The following ZNF679 variants were observed in gnomAD, a reference collection of about 807,000 sequenced individuals.
ZNF679 encodes hypothetical protein MGC42415.
A neutral mutation model predicts 13.4 loss-of-function variants in ZNF679; 10 were observed. That is an observed-to-expected ratio of 0.75 (90% CI 0.46 to 1.27). The LOEUF is 1.27. Among genes scored for constraint, ZNF679 ranks in the 50% most tolerant of loss-of-function variants. The pLI is 0.00. For synonymous variants in ZNF679, 179 were observed against 162.5 expected, an observed-to-expected ratio of 1.10 and a Z score of -0.77; for missense variants, 525 against 477.8, an observed-to-expected ratio of 1.10 and a Z score of -0.92.
At chr7:64,244,274 T>C (rs1244448506) in intron 1 of ZNF679, among the ~76,000 whole-genome samples, 1 of 152,054 alleles carries the variant, frequency 6.6e-6, no homozygotes, top group Non-Finnish European at 1.5e-5. Flanking sequence ...GTAATAATAA[T>C]TAAGCTGACT....
intron 1 of ZNF679, among the ~76,000 whole-genome samples, chr7:64,235,995 G>A (rs1201102463): frequency 1.3e-5 from 2 of 152,132 alleles, no homozygotes; most frequent in South Asian, 2.1e-4. Flanking sequence ...GGCCGGGCGT[G>A]GTGCCTCACG....
intron 1 of ZNF679, among the ~76,000 whole-genome samples, chr7:64,234,441 C>A (rs894830276): frequency 1.3e-5 from 2 of 152,070 alleles, no homozygotes; most frequent in Non-Finnish European, 2.9e-5. Flanking sequence ...ATGGAGGGAG[C>A]AAATTGAGTA....
intron 2 of ZNF679, among the ~76,000 whole-genome samples, chr7:64,250,936 A>G (rs1225052918): frequency 1.3e-5 from 2 of 152,192 alleles, no homozygotes; most frequent in Admixed American, 1.3e-4. Context: ...GTTCCCACAG[A>G]CTAACTGCCT....
chr7:64,228,772 C>G (rs1233222283), intron 1 of ZNF679, 120 bp downstream of exon 1: 1 of 152,246 alleles, frequency 6.6e-6, no homozygotes, highest in African/African-American at 2.4e-5. Flanking sequence ...CACCAGGGTG[C>G]TGAATCTTGG....
At chr7:64,264,323 G>A (rs1323739218) in intron 4 of ZNF679, among the ~76,000 whole-genome samples, 1 of 151,842 alleles carries the variant, frequency 6.6e-6, no homozygotes, top group Non-Finnish European at 1.5e-5. Context: ...TCTTATTGAT[G>A]TTGATAATTA....
At chr7:64,239,343 G>T (rs1358269159) in intron 1 of ZNF679, among the ~76,000 whole-genome samples, 1 of 152,204 alleles carries the variant, frequency 6.6e-6, no homozygotes, top group Non-Finnish European at 1.5e-5. Flanking sequence ...TATTGAGATT[G>T]TGACTCATGT....
rs745801967 is a variant in ZNF679 at position 64,260,319 on chromosome 7, A to C, written c.138A>C (p.Leu46Phe). 6.2e-7 allele frequency: 1 copy of C among 1,611,650 alleles called. No homozygotes were observed. The highest frequency in any genetic ancestry group is 8.5e-7 in the Non-Finnish European group (1 of 1,179,288). ...AGAATTTATATAGAGATGTGATGTT[A>C]GAGAACTACAGAAACCTGGTCTCCC... ...AQQNLYRDVM[L>F]ENYRNLVSLG... is the part of the protein sequence containing the mutation. The change falls in exon 3 of 5, where the codon TTA becomes TTC. Residue 46 changes from leucine (L) to phenylalanine (F), a missense_variant. Leu to Phe is a conservative substitution (Grantham distance 22). Transcript: ENST00000421025.
chr7:64,256,632 C>T (rs1398819661), intron 2 of ZNF679, among the ~76,000 whole-genome samples: 1 of 150,964 alleles, frequency 6.6e-6, no homozygotes, highest in Admixed American at 6.6e-5. Flanking sequence ...CTTTTTTCTT[C>T]ATTAATCTAG....
intron 1 of ZNF679, among the ~76,000 whole-genome samples, chr7:64,232,110 G>A (rs541371062): frequency 6.6e-6 from 1 of 152,318 alleles, no homozygotes; most frequent in East Asian, 1.9e-4. Flanking sequence ...CTTGAACCTG[G>A]GAGGTGGAGG....
At position 64,251,456 on chromosome 7, in the gene ZNF679, A is replaced by AAAAGGG. The variant is rs1170937181; in HGVS notation, c.39+2303_39+2304insGGGAAA. ...ACAACAGAGTGAGACCATATCTCAA[A>AAAAGGG]AAAAAAGAAAAGAAGAGAAAAGGCA... On this transcript the variant is annotated intron_variant, in intron 2 of 4. Transcript: ENST00000421025. 3.3e-5 allele frequency among the ~76,000 whole-genome samples: 5 copies of AAAAGGG among 152,326 alleles called. No individual in the cohort carries two copies. In the East Asian group the frequency reaches 9.6e-4, roughly 29 times the overall value.
chr7:64,233,621 G>A (rs901038637), intron 1 of ZNF679, among the ~76,000 whole-genome samples: 5 of 152,096 alleles, frequency 3.3e-5, no homozygotes, highest in Non-Finnish European at 5.9e-5. Context: ...CCCCAACCTC[G>A]GTGTTCCTGT....
chr7:64,230,616 G>T (rs1787625635), intron 1 of ZNF679, among the ~76,000 whole-genome samples: 1 of 151,624 alleles, frequency 6.6e-6, no homozygotes, highest in Non-Finnish European at 1.5e-5. Context: ...CCAAATATAT[G>T]TCACTGTCTC....
chr7:64,242,204 G>A (rs1280723330), intron 1 of ZNF679, among the ~76,000 whole-genome samples: 1 of 152,184 alleles, frequency 6.6e-6, no homozygotes, highest in African/African-American at 2.4e-5. Flanking sequence ...CTGCCTCTGA[G>A]TGTGAGATTC....
At chr7:64,250,598 C>CT (rs869219548) in intron 2 of ZNF679, among the ~76,000 whole-genome samples, 6 of 150,046 alleles carry the variant, frequency 4.0e-5, no homozygotes, top group African/African-American at 7.3e-5. Flanking sequence ...CTTTTTTTTT[C>CT]TTTTTTTTGA....
At chr7:64,236,917 AG>A (rs1156720973) in intron 1 of ZNF679, among the ~76,000 whole-genome samples, 102 of 128,338 alleles carry the variant, frequency 7.9e-4, no homozygotes, top group African/African-American at 2.7e-3. Flanking sequence ...AAAGAAAGAA[AG>A]AAAGAAGAAA....
At chr7:64,259,436 G>T (rs994517356) in intron 2 of ZNF679, among the ~76,000 whole-genome samples, 1 of 152,176 alleles carries the variant, frequency 6.6e-6, no homozygotes, top group African/African-American at 2.4e-5. Context: ...TGCTCTATTA[G>T]TTCCATGCAG....
At chr7:64,261,210 T>C (rs1186774159) in intron 4 of ZNF679, among the ~76,000 whole-genome samples, 1 of 152,166 alleles carries the variant, frequency 6.6e-6, no homozygotes, top group Non-Finnish European at 1.5e-5. Context: ...TGCTTTACCA[T>C]TGTTTTGGGG....
At chr7:64,231,632 A>G (rs994774782) in intron 1 of ZNF679, among the ~76,000 whole-genome samples, 149 of 152,266 alleles carry the variant, frequency 9.8e-4, no homozygotes, top group African/African-American at 3.4e-3. Context: ...TAGGTGATGA[A>G]CCCAGAGATC....
chr7:64,236,447 T>TG (rs200757024), intron 1 of ZNF679, among the ~76,000 whole-genome samples: 175 of 149,628 alleles, frequency 1.2e-3, no homozygotes, highest in African/African-American at 3.8e-3. Context: ...AGAGCGTTTG[T>TG]GGGGGGAAAA....
Sources: allele counts gnomAD v4.1 joint callset (sites outside exome capture counted in the v4.1 genomes callset), GRCh38; gene constraint gnomAD v4.1.1; transcripts MANE v1.5; gene names NCBI Gene and HGNC (gene_info 2026-07-23, HGNC 2026-07-21).